DSCAML1: variants seen among roughly 807,000 people sequenced by gnomAD.
The protein encoded by DSCAML1 is cell adhesion molecule DSCAML1.
A neutral mutation model predicts 200.5 loss-of-function variants in DSCAML1; 38 were observed. The observed-to-expected ratio is 0.19, with a 90% CI of 0.15 to 0.25. The LOEUF is 0.25. Ranked by LOEUF, DSCAML1 falls within the 10% of genes least tolerant of loss-of-function variation. The pLI, the probability that DSCAML1 is intolerant of heterozygous loss-of-function variation, is 1.00. For synonymous variants in DSCAML1, 1,215 were observed against 1,165.0 expected (o/e 1.04, Z -0.87); for missense variants, 2,223 against 2,858.8 (o/e 0.78, Z 5.07).
At chr11:117,482,839 G>A (rs1054784379) in intron 11 of DSCAML1, among the ~76,000 whole-genome samples, 5 of 152,138 alleles carry the variant, frequency 3.3e-5, no homozygotes, top group Non-Finnish European at 5.9e-5. Context: ...AGCTTCTAGC[G>A]GCCTCTGGAC....
intron 8 of DSCAML1, among the ~76,000 whole-genome samples, chr11:117,507,967 C>T (rs2049536301): frequency 6.6e-6 from 1 of 152,154 alleles, no homozygotes. Flanking sequence ...GGCTCAATGC[C>T]CATTCCTGAG....
rs149626628 is a variant in DSCAML1 at position 117,741,410 on chromosome 11, C to T, written c.511+35381G>A. On this transcript the variant is annotated intron_variant, in intron 3 of 32. Coordinates refer to ENST00000651296, the MANE Select transcript of DSCAML1 (RefSeq NM_020693.4). ...TAAAGACAATGGATTGTTAGTTAGCCTGGATCCCTGGATGACTGCATGGAG... is the reference window on the plus strand; with the variant it reads ...TAAAGACAATGGATTGTTAGTTAGCTTGGATCCCTGGATGACTGCATGGAG... Among the ~76,000 whole-genome samples the T allele has an allele frequency of 6.3e-3, 959 of 152,364 alleles. 6 individuals are homozygous for T. Among genetic ancestry groups the T allele is most frequent in the Middle Eastern group, 0.01 (3 of 294 alleles).
At chr11:117,502,228 G>A (rs747391783) in intron 11 of DSCAML1, among the ~76,000 whole-genome samples, 6 of 152,160 alleles carry the variant, frequency 3.9e-5, no homozygotes, top group Non-Finnish European at 5.9e-5. Flanking sequence ...GCTCCTGACC[G>A]CTGTGTCCTC....
rs1433703112 is a variant in DSCAML1 at position 117,431,531 on chromosome 11, C to T, written c.5374+3G>A. 9 of 1,558,612 alleles carry T rather than the reference C, an allele frequency of 5.8e-6. No homozygotes were observed. Among genetic ancestry groups the T allele is most frequent in the Non-Finnish European group, 7.8e-6 (9 of 1,148,648 alleles). On this transcript the variant is annotated splice_donor_region_variant and intron_variant, in intron 31 of 32. Coordinates refer to ENST00000651296, the MANE Select transcript of DSCAML1 (RefSeq NM_020693.4). ...CAGGATGCCAGCAGGGCCTTAGGCA[C>T]ACCTGTGTCCTGGGACAGGCTGGCA...
intron 3 of DSCAML1, among the ~76,000 whole-genome samples, chr11:117,732,250 ATTATTTTCCAGT>A: frequency 6.6e-6 from 1 of 152,318 alleles, no homozygotes; most frequent in South Asian, 2.1e-4. Flanking sequence ...AACAAGTATT[ATTATTTTCCAGT>A]TTATTTTCCA....
rs759190973 is a variant in DSCAML1, at chr11:117,518,514, G to A, written c.1462C>T (p.Arg488Trp). ...RDGGVYRCTA[R>W]NLVGSAEYQA... is the part of the protein sequence containing the mutation. ...TATTCAGCACTGCCCACCAAGTTCC[G>A]CGCTGTGCACCGGTACACGCCCCCG... is the stretch of plus-strand genomic sequence containing the variant. Residue 488 changes from arginine (R) to tryptophan (W), a missense_variant, in exon 7 of 33, where the codon CGG becomes TGG. Transcript: ENST00000651296. The surrounding 1 kb of genome is among the most constrained non-coding windows in gnomAD (Gnocchi z 6.3). The A allele has an allele frequency of 6.2e-6, 10 of 1,614,036 alleles. No individual in the cohort carries two copies. Among genetic ancestry groups the A allele is most frequent in the South Asian group, 3.3e-5 (3 of 91,078 alleles).
At chr11:117,654,984 T>C (rs1031131540) in intron 3 of DSCAML1, among the ~76,000 whole-genome samples, 1 of 152,230 alleles carries the variant, frequency 6.6e-6, no homozygotes, top group Admixed American at 6.5e-5. Context: ...CTGCCCACGC[T>C]TGTCTCCCAG....
Position 117,428,556 on chromosome 11 carries a change from G to T in DSCAML1, c.5934C>A (p.Ala1978=), listed in dbSNP as rs561070197. ...TLPQRTLAMP[A]PPAGTAPPAP... is the part of the protein sequence containing the mutation. ...CTGGGGGGGCTGTGCCGGCTGGGGG[G>T]GCTGGCATGGCCAGAGTCCTCTGAG... is the stretch of plus-strand genomic sequence containing the variant. The change falls in exon 33 of 33, where the codon GCC becomes GCA. Residue 1978 remains alanine, a synonymous_variant. Transcript: ENST00000651296. The T allele has an allele frequency of 6.4e-5, 99 of 1,549,930 alleles. No individual in the cohort carries two copies. The African/African-American group carries it at 6.8e-4, about 11-fold the overall frequency.
intron 1 of DSCAML1, among the ~76,000 whole-genome samples, chr11:117,789,964 G>T (rs890076559): frequency 6.6e-6 from 1 of 152,120 alleles, no homozygotes; most frequent in African/African-American, 2.4e-5. Context: ...CTGATTAGGG[G>T]ACAGATTCCA....
chr11:117,791,533 C>T (rs534761), intron 1 of DSCAML1, among the ~76,000 whole-genome samples: 34,549 of 152,144 alleles, frequency 0.23, 5,004 homozygotes, highest in South Asian at 0.36. Flanking sequence ...ACCTCAAATC[C>T]AAGTCTGGAG....
chr11:117,719,380 G>A (rs970783164), intron 3 of DSCAML1, among the ~76,000 whole-genome samples: 1 of 152,240 alleles, frequency 6.6e-6, no homozygotes, highest in African/African-American at 2.4e-5. Context: ...GGCGGCGAAG[G>A]TGGCAGTGAG....
chr11:117,445,189 G>A (rs1207255816), intron 20 of DSCAML1, among the ~76,000 whole-genome samples: 2 of 152,214 alleles, frequency 1.3e-5, no homozygotes, highest in African/African-American at 2.4e-5. Context: ...TATAACAGGA[G>A]GAGACATCCT....
intron 7 of DSCAML1, among the ~76,000 whole-genome samples, chr11:117,517,248 C>G (rs894327101): frequency 6.6e-6 from 1 of 152,178 alleles, no homozygotes. Flanking sequence ...TGATGACTTT[C>G]GTTCAACAAG....
chr11:117,761,573 G>A (rs536131194), intron 3 of DSCAML1, among the ~76,000 whole-genome samples: 4 of 152,154 alleles, frequency 2.6e-5, no homozygotes, highest in South Asian at 2.1e-4. Flanking sequence ...TTTTTCATCT[G>A]TACAATGGGA....
At chr11:117,529,986 C>T (rs1023209540) in intron 4 of DSCAML1, among the ~76,000 whole-genome samples, 3 of 152,188 alleles carry the variant, frequency 2.0e-5, no homozygotes, top group Non-Finnish European at 4.4e-5. Flanking sequence ...TGTGCCCCCT[C>T]CCTGGAGCCC....
intron 1 of DSCAML1, among the ~76,000 whole-genome samples, chr11:117,786,666 C>T (rs964828272): frequency 2.0e-5 from 3 of 152,140 alleles, no homozygotes; most frequent in African/African-American, 7.2e-5. Context: ...ACTGAATTAC[C>T]CCCATGTCAT....
chr11:117,580,480 T>C (rs147656209), intron 3 of DSCAML1, among the ~76,000 whole-genome samples: 1 of 152,324 alleles, frequency 6.6e-6, no homozygotes, highest in African/African-American at 2.4e-5. Flanking sequence ...AGACAGAGAA[T>C]CATGGCACAT....
In DSCAML1 at chr11:117,518,632, G is replaced by C. The variant is rs749437030; in HGVS notation, c.1344C>G (p.Ile448Met). 1 of 1,613,530 alleles carries C rather than the reference G, an allele frequency of 6.2e-7. No homozygotes were observed. Among genetic ancestry groups the C allele is most frequent in the Non-Finnish European group, 8.5e-7 (1 of 1,179,916 alleles). ...TVTWALDDEP[I>M]VRDGSHRTNQ... ...TGGTGCGGTGGCTGCCATCCCGCAC[G>C]ATGGGCTCATCGTCGAGGGCCCAGG... is the stretch of plus-strand genomic sequence containing the variant. Residue 448 changes from isoleucine to methionine, a missense_variant, in exon 7 of 33, where the codon ATC (isoleucine) becomes ATG (methionine). Around this residue, in one of 7 missense-constraint regions of DSCAML1, gnomAD observed 579 missense variants for 721.5 expected, o/e 0.80. Transcript: ENST00000651296. This position sits in a 1 kb window ranked among gnomAD's most constrained non-coding sequence, Gnocchi z 6.3.
Position 117,676,335 on chromosome 11 carries a change from C to T in DSCAML1, c.511+100456G>A, listed in dbSNP as rs772801400. ...ATCTTTACAAAAGGGGTAAGGAAAG[C>T]GTTTGGACCAGGGCTAGGGAGATTC... On this transcript the variant is annotated intron_variant, in intron 3 of 32. Coordinates refer to ENST00000651296, the MANE Select transcript of DSCAML1 (RefSeq NM_020693.4). Among the ~76,000 whole-genome samples the T allele has an allele frequency of 2.6e-5, 4 of 152,274 alleles. No homozygotes were observed. The East Asian group carries it at 5.8e-4, about 22-fold the overall frequency.
Sources: allele counts gnomAD v4.1 joint callset (sites outside exome capture counted in the v4.1 genomes callset), GRCh38; gene constraint gnomAD v4.1.1; regional missense constraint gnomAD v4.1.1; non-coding constraint Gnocchi (gnomAD v3.1); transcripts MANE v1.5; gene names NCBI Gene and HGNC (gene_info 2026-07-23, HGNC 2026-07-21).